Variants in ZDHHC9 observed in about 807,000 individuals in gnomAD.
ZDHHC9 encodes palmitoyltransferase ZDHHC9.
Under a neutral mutation model 26.6 loss-of-function variants are expected in ZDHHC9, and 3 were observed. The ratio of observed to expected loss-of-function variants is 0.11; its 90% CI spans 0.05 to 0.29. The LOEUF (loss-of-function observed/expected upper bound fraction) is 0.29, where lower values mean the gene tolerates loss of function less well. Ranked by LOEUF, ZDHHC9 falls within the 10% of genes least tolerant of loss-of-function variation. The pLI, the probability that ZDHHC9 is intolerant of heterozygous loss-of-function variation, is 1.00. For missense variants in ZDHHC9, 146 were observed against 296.4 expected, an observed-to-expected ratio of 0.49 and a Z score of 3.73; for synonymous variants, 111 against 109.4, an observed-to-expected ratio of 1.01 and a Z score of -0.09.
chrX:129,815,975 A>G (rs748181562), intron 5 of ZDHHC9, among the ~76,000 whole-genome samples: 2 of 111,866 alleles, frequency 1.8e-5, no homozygotes, highest in East Asian at 5.5e-4. Flanking sequence ...GGTAAGCATT[A>G]CAGGCAGACA....
At chrX:129,813,793 G>C in intron 6 of ZDHHC9, 68 bp from the exon 7 acceptor site, 1 of 985,054 alleles carries the variant, frequency 1.0e-6, no homozygotes. Context: ...CACTATCCTA[G>C]TGCCTACTCA....
chrX:129,811,096 C>A, intron 9 of ZDHHC9, 95 bp from the exon 10 acceptor site: 2 of 781,648 alleles, frequency 2.6e-6, no homozygotes, highest in South Asian at 4.4e-5. Context: ...AAAATATAAA[C>A]CTGTCCTTTG....
At chrX:129,808,078 T>C (rs1028128037) in intron 10 of ZDHHC9, among the ~76,000 whole-genome samples, 15 of 112,200 alleles carry the variant, frequency 1.3e-4, no homozygotes, top group Non-Finnish European at 7.5e-5. Flanking sequence ...CATACCTAAA[T>C]ATGTGAAAAT....
In ZDHHC9 at chrX:129,806,084, T is replaced by C; in HGVS notation, c.*286A>G. 3.0e-6 allele frequency: 1 copy of C among 333,108 alleles called. No homozygotes were observed. Among genetic ancestry groups the C allele is most frequent in the South Asian group, 3.9e-5 (1 of 25,653 alleles). 27.5% of individuals were successfully genotyped at this position (333,108 alleles called of 1,213,427 possible). A position where few individuals can be genotyped will look rare whatever the true frequency, so the allele number is the denominator to read the frequency against. ...TGGGATCTGGAGGGAAGAGAGGGGGTCCAAGGGGACCCTGTGGCTGAGGCC... is the reference window on the plus strand; with the variant it reads ...TGGGATCTGGAGGGAAGAGAGGGGGCCCAAGGGGACCCTGTGGCTGAGGCC... On this transcript the variant is annotated 3_prime_UTR_variant, in exon 11 of 11. Transcript: ENST00000357166.
chrX:129,838,685 T>TA (rs1455604241), intron 3 of ZDHHC9, among the ~76,000 whole-genome samples: 2 of 98,040 alleles, frequency 2.0e-5, no homozygotes, highest in African/African-American at 4.7e-5. Flanking sequence ...AAATAAAAAA[T>TA]AAAAAATAAT....
chrX:129,834,943 A>G (rs1928224240), intron 3 of ZDHHC9, among the ~76,000 whole-genome samples: 1 of 112,469 alleles, frequency 8.9e-6, no homozygotes, highest in Non-Finnish European at 1.9e-5. Context: ...CTTTCCCTCA[A>G]TAACATCTCA....
At chrX:129,809,580 G>C (rs1927589263) in intron 10 of ZDHHC9, among the ~76,000 whole-genome samples, 1 of 111,868 alleles carries the variant, frequency 8.9e-6, no homozygotes, top group East Asian at 2.8e-4. Context: ...TCAGGGGAAA[G>C]GGAGAGTGAC....
Position 129,829,030 on chromosome X carries a change from C to T in ZDHHC9, c.279G>A (p.Val93=), listed in dbSNP as rs770154439. 3.3e-6 allele frequency: 4 copies of T among 1,211,962 alleles called. No homozygotes were observed. Among genetic ancestry groups the T allele is most frequent in the Non-Finnish European group, 2.2e-6 (2 of 895,592 alleles). ...LLRTSFSDPG[V]IPRALPDEAA... is the part of the protein sequence containing the mutation. ...CTTCATCTGGTAGCGCCCGAGGAAT[C>T]ACTCCAGGGTCACTGAAGCTGGTCC... is the stretch of plus-strand genomic sequence containing the variant. Residue 93 remains valine, a synonymous_variant, in exon 4 of 11, where the codon GTG becomes GTA. Transcript: ENST00000357166.
At chrX:129,829,207 GT>G in intron 3 of ZDHHC9, 66 bp from the exon 4 acceptor site, 1 of 1,142,230 alleles carries the variant, frequency 8.8e-7, no homozygotes, top group Non-Finnish European at 1.2e-6. Context: ...ATTGTTACCA[GT>G]ATGTCAATCT....
intron 4 of ZDHHC9, among the ~76,000 whole-genome samples, chrX:129,824,280 T>C (rs1602954424): frequency 9.0e-6 from 1 of 111,274 alleles, no homozygotes; most frequent in East Asian, 2.8e-4. Flanking sequence ...TGGCAGCTGC[T>C]ACTAAACTTT....
chrX:129,806,999 G>T (rs779349627), intron 10 of ZDHHC9, among the ~76,000 whole-genome samples: 2 of 111,887 alleles, frequency 1.8e-5, no homozygotes, highest in East Asian at 5.6e-4. Context: ...AACCTAGATT[G>T]TTACAATTTG....
intron 9 of ZDHHC9, 29 bp downstream of exon 9, chrX:129,811,377 G>A (rs745922088): frequency 8.6e-7 from 1 of 1,157,691 alleles, no homozygotes; most frequent in South Asian, 1.8e-5. Context: ...CATCCCAACA[G>A]TCCCAGGACT....
Position 129,841,930 on chromosome X carries a change from C to T in ZDHHC9, c.16G>A (p.Val6Met). 1 of 1,211,566 alleles carries T rather than the reference C, an allele frequency of 8.3e-7. No individual in the cohort carries two copies. Among genetic ancestry groups the T allele is most frequent in the Non-Finnish European group, 1.1e-6 (1 of 895,424 alleles). The change falls in exon 3 of 11, where the codon GTG becomes ATG. Residue 6 changes from valine to methionine, a missense_variant. Val to Met is a conservative substitution (Grantham distance 21). This residue lies in a region of ZDHHC9 where 100 missense variants were observed against 250.0 expected (regional missense o/e 0.40). Coordinates refer to ENST00000357166, the MANE Select transcript of ZDHHC9 (RefSeq NM_016032.4). Reference protein sequence around the residue: MSVMVVRKKVTRKWEK... With the variant: MSVMVMRKKVTRKWEK... ...CATTTCCGTGTCACCTTCTTTCTCA[C>T]CACCATCACAGACATGATTGGAATT...
intron 3 of ZDHHC9, among the ~76,000 whole-genome samples, chrX:129,837,043 T>C (rs184462983): frequency 1.3e-3 from 143 of 112,222 alleles, no homozygotes; most frequent in African/African-American, 4.4e-3. Flanking sequence ...TATAGAGACG[T>C]TGGCTGGTCA....
Position 129,804,843 on chromosome X carries a change from T to A in ZDHHC9, c.*1527A>T, listed in dbSNP as rs1449266835. The A allele has an allele frequency of 9.0e-6, 1 of 111,167 alleles. No homozygotes were observed. Among genetic ancestry groups the A allele is most frequent in the Non-Finnish European group, 1.9e-5 (1 of 52,976 alleles). The allele number at this position is 111,167 out of a possible 1,213,427, so 9.2% of individuals were successfully genotyped here. A position where few individuals can be genotyped will look rare whatever the true frequency, so the allele number is the denominator to read the frequency against. On this transcript the variant is annotated 3_prime_UTR_variant, in exon 11 of 11. Coordinates refer to ENST00000357166, the MANE Select transcript of ZDHHC9 (RefSeq NM_016032.4). ...CAAGGGTGCCCTGGTTAATGGAAGTTTGGGGAGTAACAAGCAACCCCTTCC... is the reference window on the plus strand; with the variant it reads ...CAAGGGTGCCCTGGTTAATGGAAGTATGGGGAGTAACAAGCAACCCCTTCC...
intron 10 of ZDHHC9, among the ~76,000 whole-genome samples, chrX:129,809,109 G>T (rs1384175598): frequency 8.9e-6 from 1 of 112,179 alleles, no homozygotes; most frequent in Non-Finnish European, 1.9e-5. Context: ...CTCAGGCACT[G>T]CTAGTGGGGG....
intron 5 of ZDHHC9, 130 bp from the exon 6 acceptor site, chrX:129,814,925 T>TG: frequency 1.3e-6 from 1 of 755,698 alleles, no homozygotes; most frequent in Non-Finnish European, 1.9e-6. Flanking sequence ...TATAGGGTTT[T>TG]TTTTTTTTTT....
At chrX:129,808,578 A>C (rs986033690) in intron 10 of ZDHHC9, among the ~76,000 whole-genome samples, 2 of 111,843 alleles carry the variant, frequency 1.8e-5, no homozygotes, top group Non-Finnish European at 3.8e-5. Flanking sequence ...TGGATCAAAA[A>C]CCTAAATGTA....
chrX:129,832,167 T>C (rs1928155841), intron 3 of ZDHHC9, among the ~76,000 whole-genome samples: 1 of 109,385 alleles, frequency 9.1e-6, no homozygotes, highest in Non-Finnish European at 1.9e-5. Flanking sequence ...TATCTTTATA[T>C]ATATATATAA....
Sources: allele counts gnomAD v4.1 joint callset (sites outside exome capture counted in the v4.1 genomes callset), GRCh38; gene constraint gnomAD v4.1.1; regional missense constraint gnomAD v4.1.1; transcripts MANE v1.5; gene names NCBI Gene and HGNC (gene_info 2026-07-23, HGNC 2026-07-21).